Variants in MROH1 observed in about 807,000 individuals in gnomAD.
The protein encoded by MROH1 is maestro heat-like repeat-containing protein family member 1.
Under a neutral mutation model 116.5 loss-of-function variants are expected in MROH1, and 117 were observed. That is an observed-to-expected ratio of 1.00 (90% CI 0.86 to 1.17). The LOEUF (loss-of-function observed/expected upper bound fraction) is 1.17, where lower values mean the gene tolerates loss of function less well. Among genes scored for constraint, MROH1 ranks in the 50% most tolerant of loss-of-function variants. The probability of loss-of-function intolerance (pLI) is 0.00; values close to 1 mark genes in which losing one functional copy is unlikely to be tolerated. For synonymous variants in MROH1, 921 were observed against 583.9 expected (o/e 1.58, Z -8.32); for missense variants, 1,873 against 1,338.5 (o/e 1.40, Z -6.23).
rs1587784883 is a variant in MROH1 at position 144,163,663 on chromosome 8, A to C, written c.-56-108A>C. The C allele has an allele frequency of 2.8e-6, 2 of 718,544 alleles. No individual in the cohort carries two copies. Among genetic ancestry groups the C allele is most frequent in the Non-Finnish European group, 4.6e-6 (2 of 439,222 alleles). 44.5% of individuals were successfully genotyped at this position (718,544 alleles called of 1,614,324 possible). ...AAAATGTGACGGAGATATTTCCCCC[A>C]GAATAAATTCATTTAAATTGTGTAT... On this transcript the variant is annotated intron_variant, in intron 2 of 43. Coordinates refer to ENST00000326134, the MANE Select transcript of MROH1 (RefSeq NM_032450.3). This position sits in a 1 kb window ranked among gnomAD's most constrained non-coding sequence, Gnocchi z 4.4.
At position 144,222,668 on chromosome 8, in the gene MROH1, G is replaced by T. The variant is rs534400030; in HGVS notation, c.1216-440G>T. Reference sequence around the variant, plus strand: ...GGAAGGTAGGTTCAGGTACAGGTGTGGGAGCAGGCATAGGTGTGGATGTGG... The same window carrying T: ...GGAAGGTAGGTTCAGGTACAGGTGTTGGAGCAGGCATAGGTGTGGATGTGG... On this transcript the variant is annotated intron_variant, in intron 13 of 43. Coordinates refer to ENST00000326134, the MANE Select transcript of MROH1 (RefSeq NM_032450.3). Among the ~76,000 whole-genome samples the T allele has an allele frequency of 3.3e-5, 5 of 152,222 alleles. No homozygotes were observed. In the East Asian group the frequency reaches 9.6e-4, roughly 29 times the overall value.
At chr8:144,252,585 G>GCACT (rs1843012896) in intron 33 of MROH1, 10 of 149,362 alleles carry the variant, frequency 6.7e-5, no homozygotes, top group South Asian at 6.4e-4. Flanking sequence ...GGAGAATGGT[G>GCACT]TGAACCCAGG....
Position 144,259,916 on chromosome 8 carries a change from GAACAGC to G in MROH1, c.4054_4059del (p.Ser1352_Asn1353del). ...CACAGCACCTCTGCCTGCAGCTGCT[GAACAGC>G]AACGTGGCCAACGACCTCATGCTCT... On this transcript the variant is annotated inframe_deletion, in exon 38 of 44. Coordinates refer to ENST00000326134, the MANE Select transcript of MROH1 (RefSeq NM_032450.3). The G allele has an allele frequency of 1.4e-6, 1 of 737,248 alleles. No homozygotes were observed. The highest frequency in any genetic ancestry group is 1.4e-5 in the South Asian group (1 of 69,070). 45.7% of individuals were successfully genotyped at this position (737,248 alleles called of 1,614,324 possible).
intron 4 of MROH1, 35 bp from the exon 5 acceptor site, chr8:144,179,420 C>T (rs1181306241): frequency 4.4e-6 from 7 of 1,607,564 alleles, no homozygotes; most frequent in African/African-American, 1.3e-5. Flanking sequence ...GTGTGGGGCT[C>T]ACCTGGGACC....
At chr8:144,196,767 T>C (rs1176156242) in intron 10 of MROH1, among the ~76,000 whole-genome samples, 1 of 152,178 alleles carries the variant, frequency 6.6e-6, no homozygotes, top group East Asian at 1.9e-4. Context: ...TATATATTGC[T>C]GTGTAACCAA....
chr8:144,242,459 C>T lies in MROH1; in HGVS notation c.2269C>T (p.Leu757=), dbSNP rs1193474677. 1 of 780,600 alleles carries T rather than the reference C, an allele frequency of 1.3e-6. No individual in the cohort carries two copies. The highest frequency in any genetic ancestry group is 2.4e-5 in the East Asian group (1 of 41,264). The allele number at this position is 780,600 out of a possible 1,614,324, so 48.4% of individuals were successfully genotyped here. The change falls in exon 23 of 44, where the codon CTG becomes TTG. Residue 757 remains leucine (L), a synonymous_variant. Transcript: ENST00000326134. ...VAARAPRELV[L]AKVESDILRN... is the part of the protein sequence containing the mutation. ...GGCCCGGGCCCCCCGGGAGCTGGTG[C>T]TGGCCAAGGTAGAGTCAGACATCCT...
intron 11 of MROH1, among the ~76,000 whole-genome samples, chr8:144,199,423 G>C (rs1312287671): frequency 6.6e-6 from 1 of 152,146 alleles, no homozygotes; most frequent in Non-Finnish European, 1.5e-5. Flanking sequence ...GCGTGCTGCT[G>C]ACCTGCCCAA....
chr8:144,257,402 C>T (rs2129805027), intron 35 of MROH1, among the ~76,000 whole-genome samples: 1 of 152,128 alleles, frequency 6.6e-6, no homozygotes, highest in East Asian at 1.9e-4. Flanking sequence ...GGGAGCAGGC[C>T]CCCAGCACCT....
intron 14 of MROH1, among the ~76,000 whole-genome samples, chr8:144,235,299 C>T (rs1441905043): frequency 6.6e-6 from 1 of 152,192 alleles, no homozygotes; most frequent in Non-Finnish European, 1.5e-5. Flanking sequence ...AGGATTGTGT[C>T]ATCTACAACT....
rs1389696752 is a variant in MROH1, at chr8:144,209,558, G to A, written c.1141+9017G>A. On this transcript the variant is annotated intron_variant, in intron 12 of 43. Transcript: ENST00000326134. ...GGTGCCACTGCACTCCAGCCTGGGC[G>A]ACAGAGTGAGACTCCGTCTCAAAAA... Among the ~76,000 whole-genome samples the A allele has an allele frequency of 3.1e-4, 42 of 134,602 alleles. 2 individuals are homozygous for A. The highest frequency in any genetic ancestry group is 2.9e-3 in the Admixed American group (36 of 12,368). The allele number at this position is 134,602 out of a possible 152,430, so 88.3% of individuals were successfully genotyped here.
chr8:144,207,007 T>G (rs1273484369), intron 12 of MROH1, among the ~76,000 whole-genome samples: 1 of 150,834 alleles, frequency 6.6e-6, no homozygotes, highest in Non-Finnish European at 1.5e-5. Flanking sequence ...CGCTCCAGCC[T>G]GGGCGACAGA....
chr8:144,158,262 G>A (rs1818664543), intron 1 of MROH1, among the ~76,000 whole-genome samples: 1 of 151,970 alleles, frequency 6.6e-6, no homozygotes, highest in Admixed American at 6.6e-5. Flanking sequence ...CAAAGTGCTG[G>A]GATTACAGAT....
At chr8:144,237,253 G>A (rs956029556) in intron 14 of MROH1, among the ~76,000 whole-genome samples, 4 of 152,294 alleles carry the variant, frequency 2.6e-5, no homozygotes, top group East Asian at 3.9e-4. Flanking sequence ...GCATGGACTC[G>A]TGGTTTGCTG....
At chr8:144,192,237 G>T (rs1332154384) in intron 9 of MROH1, 72 bp from the exon 10 acceptor site, 13 of 1,322,818 alleles carry the variant, frequency 9.8e-6, no homozygotes, top group Middle Eastern at 2.6e-4. Context: ...CAACTGGGAG[G>T]CTCTGATTGA....
chr8:144,244,579 C>T (rs1841568230), intron 28 of MROH1, 40 bp downstream of exon 28: 1 of 723,760 alleles, frequency 1.4e-6, no homozygotes, highest in Admixed American at 2.0e-5. Flanking sequence ...GGGATGGGGG[C>T]ACAGAGGGCA....
At chr8:144,189,105 C>T (rs1463375560) in intron 7 of MROH1, among the ~76,000 whole-genome samples, 1 of 152,230 alleles carries the variant, frequency 6.6e-6, no homozygotes, top group Non-Finnish European at 1.5e-5. Context: ...TGCTTTGGAG[C>T]AGGGCCTGTA....
At chr8:144,240,424 CCT>C (rs1392131819) in intron 19 of MROH1, 144 bp from the exon 20 acceptor site, 69 of 686,044 alleles carry the variant, frequency 1.0e-4, no homozygotes, top group Middle Eastern at 3.8e-4. Context: ...ATGGCTGTCC[CCT>C]GAGGGTTGGC....
In MROH1 at chr8:144,248,940, C is replaced by T; in HGVS notation, c.3184C>T (p.Leu1062=). ...ISLLLTMFEA[L]GDPEKNCSRA... The stretch of plus-strand genomic sequence containing the variant: ...CCTCTTGCTAACCATGTTTGAGGCC[C>T]TGGGAGACCCCGAAAAGAACTGCTC... The change falls in exon 32 of 44, where the codon CTG becomes TTG. Residue 1062 remains leucine, a synonymous_variant. Coordinates refer to ENST00000326134, the MANE Select transcript of MROH1 (RefSeq NM_032450.3). 2 of 769,530 alleles carry T rather than the reference C, an allele frequency of 2.6e-6. No individual in the cohort carries two copies. The highest frequency in any genetic ancestry group is 4.8e-6 in the Non-Finnish European group (2 of 412,724). 47.7% of individuals were successfully genotyped at this position (769,530 alleles called of 1,614,324 possible).
In MROH1 at chr8:144,247,592, C is replaced by T. The variant is rs1489083656; in HGVS notation, c.3033C>T (p.Asp1011=). Residue 1011 remains aspartate (D), a synonymous_variant, in exon 31 of 44, where the codon GAC becomes GAT. Coordinates refer to ENST00000326134, the MANE Select transcript of MROH1 (RefSeq NM_032450.3). Reference sequence around the variant, plus strand: ...GCTTCTCCCGGGACTACCGCGATGACGTGGCGGAGCGGCTCCTCAGCCTCA... The same window carrying T: ...GCTTCTCCCGGGACTACCGCGATGATGTGGCGGAGCGGCTCCTCAGCCTCA... ...YEGFSRDYRD[D]VAERLLSLKD... is the part of the protein sequence containing the mutation. 4.0e-5 allele frequency: 31 copies of T among 773,400 alleles called. No individual in the cohort carries two copies. The highest frequency in any genetic ancestry group is 3.6e-4 in the Admixed American group (21 of 58,866). 47.9% of individuals were successfully genotyped at this position (773,400 alleles called of 1,614,324 possible).
Sources: allele counts gnomAD v4.1 joint callset (sites outside exome capture counted in the v4.1 genomes callset), GRCh38; gene constraint gnomAD v4.1.1; non-coding constraint Gnocchi (gnomAD v3.1); transcripts MANE v1.5; gene names NCBI Gene and HGNC (gene_info 2026-07-23, HGNC 2026-07-21).